SLC45A4: variants seen among roughly 807,000 people sequenced by gnomAD.
SLC45A4 encodes solute carrier family 45 member 4, also known as polyamine-transporter SLC45A4.
In SLC45A4, 32 loss-of-function variants were observed where a neutral mutation model predicts 63.7. That is an observed-to-expected ratio of 0.50 (90% CI 0.38 to 0.67). The LOEUF (loss-of-function observed/expected upper bound fraction) is 0.67, where lower values mean the gene tolerates loss of function less well. Among genes scored for constraint, SLC45A4 ranks in the 30% least tolerant of loss-of-function variants. The pLI is 0.00. For synonymous variants in SLC45A4, 535 were observed against 510.0 expected (o/e 1.05, Z -0.66); for missense variants, 1,027 against 1,157.7 (o/e 0.89, Z 1.64).
In SLC45A4 at chr8:141,218,663, A is replaced by G. The variant is rs372529027; in HGVS notation, c.977T>C (p.Phe326Ser). The G allele has an allele frequency of 1.2e-6, 2 of 1,613,350 alleles. No individual in the cohort carries two copies. Among genetic ancestry groups the G allele is most frequent in the African/African-American group, 1.3e-5 (1 of 75,038 alleles). The change falls in exon 5 of 9, where the codon TTC becomes TCC. Residue 326 changes from phenylalanine (F) to serine (S), a missense_variant. By Grantham distance (155) the Phe-to-Ser change is radical. Transcript: ENST00000517878. Reference sequence around the variant, plus strand: ...GATGGAGGGCTCGATGTCGTGCAGGAACAGCAGCTCGGGCTCCAGGTCCAG... The same window carrying G: ...GATGGAGGGCTCGATGTCGTGCAGGGACAGCAGCTCGGGCTCCAGGTCCAG... ...TALDLEPELL[F>S]LHDIEPSIFH...
Position 141,219,767 on chromosome 8 carries a change from C to T in SLC45A4, c.493G>A (p.Val165Met). The T allele has an allele frequency of 6.2e-7, 1 of 1,600,446 alleles. No individual in the cohort carries two copies. The highest frequency in any genetic ancestry group is 8.5e-7 in the Non-Finnish European group (1 of 1,174,120). ...PIGIVLTVLGVVVLDFSADAT... is the reference protein window; with the variant it reads ...PIGIVLTVLGMVVLDFSADAT... ...TCGGCGCTGAAGTCCAGGACCACCA[C>T]TCCCAGCACCGTGAGCACGATGCCA... Residue 165 changes from valine (V) to methionine (M), a missense_variant, in exon 4 of 9, where the codon GTG (valine) becomes ATG (methionine). Val to Met is a conservative substitution (Grantham distance 21). Transcript: ENST00000517878.
At position 141,208,861 on chromosome 8, in the gene SLC45A4, T is replaced by C. The variant is rs1477451021; in HGVS notation, c.*2711A>G. ...CTCGTTAAAAGAGTCTTTACTTAGCTGACTTGTATAGGGAACAAAACCACC... is the reference window on the plus strand; with the variant it reads ...CTCGTTAAAAGAGTCTTTACTTAGCCGACTTGTATAGGGAACAAAACCACC... On this transcript the variant is annotated 3_prime_UTR_variant, in exon 9 of 9. Transcript: ENST00000517878. The C allele has an allele frequency of 6.6e-6, 1 of 152,278 alleles. No homozygotes were observed. The highest frequency in any genetic ancestry group is 2.4e-5 in the African/African-American group (1 of 41,458). 9.4% of individuals were successfully genotyped at this position (152,278 alleles called of 1,614,324 possible). A position where few individuals can be genotyped will look rare whatever the true frequency, so the allele number is the denominator to read the frequency against.
chr8:141,235,754 T>C (rs1015183463), intron 2 of SLC45A4, among the ~76,000 whole-genome samples: 13 of 152,088 alleles, frequency 8.5e-5, no homozygotes, highest in African/African-American at 3.1e-4. Flanking sequence ...AATGAAAAAT[T>C]TAAGCGTGTG....
chr8:141,222,237 C>G lies in SLC45A4; in HGVS notation c.242-472G>C, dbSNP rs532171059. Among the ~76,000 whole-genome samples, 3 of 152,352 alleles carry G rather than the reference C, an allele frequency of 2.0e-5. No individual in the cohort carries two copies. In the East Asian group the frequency reaches 5.8e-4, roughly 29 times the overall value. Reference sequence around the variant, plus strand: ...GAGCAGGACGGTGACTGCAGCTTCACAGAGGCAGGAAGGGCCCACGACTTC... The same window carrying G: ...GAGCAGGACGGTGACTGCAGCTTCAGAGAGGCAGGAAGGGCCCACGACTTC... On this transcript the variant is annotated intron_variant, in intron 2 of 8. Transcript: ENST00000517878.
intron 2 of SLC45A4, among the ~76,000 whole-genome samples, chr8:141,222,129 G>A (rs2044637145): frequency 6.6e-6 from 1 of 152,230 alleles, no homozygotes; most frequent in African/African-American, 2.4e-5. Context: ...TGCTGGTGCT[G>A]TCCAGGGCCT....
chr8:141,286,852 C>A (rs1256934230), intron 1 of SLC45A4, among the ~76,000 whole-genome samples: 1 of 151,740 alleles, frequency 6.6e-6, no homozygotes, highest in Non-Finnish European at 1.5e-5. Context: ...TCACAAACTA[C>A]TTTAAACCTT....
chr8:141,211,311 G>T lies in SLC45A4; in HGVS notation c.*261C>A, dbSNP rs1169624348. ...CCTAGGAGAGTCCTTCAGACGGGACGAGCGGGGTCACATGGCTGGGCGCAG... is the reference window on the plus strand; with the variant it reads ...CCTAGGAGAGTCCTTCAGACGGGACTAGCGGGGTCACATGGCTGGGCGCAG... On this transcript the variant is annotated 3_prime_UTR_variant, in exon 9 of 9. Transcript: ENST00000517878. 2 of 1,102,228 alleles carry T rather than the reference G, an allele frequency of 1.8e-6. No individual in the cohort carries two copies. Among genetic ancestry groups the T allele is most frequent in the Non-Finnish European group, 2.5e-6 (2 of 805,848 alleles). 68.3% of individuals were successfully genotyped at this position (1,102,228 alleles called of 1,614,324 possible).
At chr8:141,244,508 G>A (rs1031874859) in intron 2 of SLC45A4, among the ~76,000 whole-genome samples, 1 of 152,170 alleles carries the variant, frequency 6.6e-6, no homozygotes, top group Non-Finnish European at 1.5e-5. Context: ...AGTCTAGGAG[G>A]GAGAGGGCAA....
chr8:141,274,534 CA>C (rs35503591), intron 1 of SLC45A4, among the ~76,000 whole-genome samples: 17,733 of 93,946 alleles, frequency 0.19, 960 homozygotes, highest in African/African-American at 0.25. Flanking sequence ...AACTCGGTCT[CA>C]AAAAAAAAAA....
chr8:141,282,606 A>G (rs1038966674), intron 1 of SLC45A4, among the ~76,000 whole-genome samples: 5 of 152,194 alleles, frequency 3.3e-5, no homozygotes, highest in African/African-American at 9.6e-5. Context: ...TCCCTTTTCC[A>G]TGAACTCTGC....
intron 1 of SLC45A4, among the ~76,000 whole-genome samples, chr8:141,271,817 ACAC>A (rs113331820): frequency 0.069 from 10,523 of 152,146 alleles, 1,150 homozygotes; most frequent in African/African-American, 0.23. Context: ...CACAACACAC[ACAC>A]CACGTGTGCA....
chr8:141,279,241 C>T (rs776447948), intron 1 of SLC45A4, among the ~76,000 whole-genome samples: 25 of 152,342 alleles, frequency 1.6e-4, no homozygotes, highest in Admixed American at 2.6e-4. Flanking sequence ...CCTTTCCTTG[C>T]CTCCCATCCG....
rs1315526708 is a variant in SLC45A4, at chr8:141,211,474, C to T, written c.*98G>A. 1 of 1,601,610 alleles carries T rather than the reference C, an allele frequency of 6.2e-7. No individual in the cohort carries two copies. Among genetic ancestry groups the T allele is most frequent in the Non-Finnish European group, 8.5e-7 (1 of 1,173,700 alleles). ...CTTCTGCCCAGGCCCCCCGGACCAG[C>T]CTCCTCCCAGCTTTGGTGTGCGGTC... On this transcript the variant is annotated 3_prime_UTR_variant, in exon 9 of 9. Coordinates refer to ENST00000517878, the MANE Select transcript of SLC45A4 (RefSeq NM_001286646.2).
chr8:141,232,102 G>A (rs971307546), intron 2 of SLC45A4, among the ~76,000 whole-genome samples: 1 of 152,242 alleles, frequency 6.6e-6, no homozygotes, highest in Admixed American at 6.5e-5. Context: ...TACAGAAGGG[G>A]TCTTCAGGGG....
intron 8 of SLC45A4, 62 bp downstream of exon 8, chr8:141,212,135 G>GCCCGC (rs1555563097): frequency 3.9e-6 from 2 of 508,956 alleles, no homozygotes; most frequent in African/African-American, 4.5e-5. Context: ...GCCTGGCCCC[G>GCCCGC]CCGCCCGCCC....
chr8:141,298,568 C>T (rs2154615416), intron 1 of SLC45A4, among the ~76,000 whole-genome samples: 1 of 152,322 alleles, frequency 6.6e-6, no homozygotes, highest in South Asian at 2.1e-4. Context: ...AGCCAAGTGG[C>T]CAACCCGAAA....
intron 1 of SLC45A4, among the ~76,000 whole-genome samples, chr8:141,295,258 G>A (rs1211437934): frequency 6.6e-6 from 1 of 152,062 alleles, no homozygotes; most frequent in East Asian, 1.9e-4. Context: ...GTGGGGCCCT[G>A]GGGCTCAGAG....
At chr8:141,272,696 G>A (rs1207585379) in intron 1 of SLC45A4, among the ~76,000 whole-genome samples, 3 of 151,768 alleles carry the variant, frequency 2.0e-5, no homozygotes, top group Non-Finnish European at 4.4e-5. Flanking sequence ...CCCTCTGCCC[G>A]CTGCCCCTCA....
chr8:141,290,770 C>T (rs903358007), intron 1 of SLC45A4, among the ~76,000 whole-genome samples: 8 of 152,246 alleles, frequency 5.3e-5, no homozygotes, highest in Non-Finnish European at 1.2e-4. Flanking sequence ...TCTTACCCTA[C>T]GGTCCAGAGA....
Sources: allele counts gnomAD v4.1 joint callset (sites outside exome capture counted in the v4.1 genomes callset), GRCh38; gene constraint gnomAD v4.1.1; transcripts MANE v1.5; gene names NCBI Gene and HGNC (gene_info 2026-07-23, HGNC 2026-07-21).